Variants in GABRB3 observed in about 807,000 individuals in gnomAD.
GABRB3 encodes gamma-aminobutyric acid receptor subunit beta-3.
GABRB3 carries 14 observed loss-of-function variants against 52.1 expected under a neutral mutation model. That is an observed-to-expected ratio of 0.27 (90% CI 0.18 to 0.42). The LOEUF (loss-of-function observed/expected upper bound fraction) is 0.42. Among genes scored for constraint, GABRB3 ranks in the 10% least tolerant of loss-of-function variants. The probability of loss-of-function intolerance (pLI) is 1.00; values close to 1 mark genes in which losing one functional copy is unlikely to be tolerated. For missense variants in GABRB3, 307 were observed against 609.1 expected, an observed-to-expected ratio of 0.50 and a Z score of 5.22; for synonymous variants, 260 against 232.3, an observed-to-expected ratio of 1.12 and a Z score of -1.08.
At chr15:26,682,934 A>G (rs1888283998) in intron 3 of GABRB3, among the ~76,000 whole-genome samples, 2 of 152,202 alleles carry the variant, frequency 1.3e-5, no homozygotes, top group Non-Finnish European at 2.9e-5. Flanking sequence ...TCACAGTGCC[A>G]GGAGCTCCTG....
chr15:26,546,121 G>A lies in GABRB3; in HGVS notation c.*1672C>T, dbSNP rs1318103067. The A allele has an allele frequency of 2.0e-5, 3 of 152,578 alleles. No homozygotes were observed. The highest frequency in any genetic ancestry group is 7.2e-5 in the African/African-American group (3 of 41,428). 9.5% of individuals were successfully genotyped at this position (152,578 alleles called of 1,614,324 possible). ...GGTCCTTGGTTTTGGATAGAACAGA[G>A]AGGGTGAGGCATACGTGGCATTTTG... is the stretch of plus-strand genomic sequence containing the variant. On this transcript the variant is annotated 3_prime_UTR_variant, in exon 9 of 9. Coordinates refer to ENST00000311550, the MANE Select transcript of GABRB3 (RefSeq NM_000814.6).
chr15:26,733,179 G>T (rs867541568), intron 3 of GABRB3, among the ~76,000 whole-genome samples: 9 of 151,902 alleles, frequency 5.9e-5, no homozygotes, highest in African/African-American at 2.2e-4. Context: ...ATAAATAAAG[G>T]GCATTCAAAT....
At chr15:26,708,018 G>C (rs1438010516) in intron 3 of GABRB3, among the ~76,000 whole-genome samples, 2 of 152,078 alleles carry the variant, frequency 1.3e-5, no homozygotes, top group Non-Finnish European at 2.9e-5. Context: ...TTTCCTTTGA[G>C]CATCATGTCA....
upstream of GABRB3, chr15:26,773,719 G>A (rs1322528623): frequency 1.3e-6 from 2 of 1,566,520 alleles, no homozygotes; most frequent in Non-Finnish European, 1.7e-6. Flanking sequence ...GGAGCCCGGA[G>A]CACATGGCGC....
At chr15:26,624,971 T>C (rs1248138064) in intron 3 of GABRB3, 6 of 985,398 alleles carry the variant, frequency 6.1e-6, no homozygotes, top group Non-Finnish European at 7.2e-6. Context: ...CTGTGCTACC[T>C]AGAACCTCAT....
At chr15:26,702,547 T>C (rs867303115) in intron 3 of GABRB3, among the ~76,000 whole-genome samples, 7 of 152,188 alleles carry the variant, frequency 4.6e-5, no homozygotes, top group Admixed American at 1.3e-4. Flanking sequence ...TTTAAAGAGA[T>C]TGACCATACC....
intron 3 of GABRB3, chr15:26,624,161 G>A (rs1892592978): frequency 6.1e-6 from 6 of 977,486 alleles, no homozygotes; most frequent in East Asian, 1.1e-4. Context: ...ACATCAGGAT[G>A]AGAATGCACC....
chr15:26,602,859 G>A (rs570570384), intron 4 of GABRB3, among the ~76,000 whole-genome samples: 73 of 151,952 alleles, frequency 4.8e-4, no homozygotes, highest in African/African-American at 1.7e-3. Context: ...ATCTTTACTA[G>A]AAAAGCAAGA....
chr15:26,615,429 GA>G, intron 4 of GABRB3: 3 of 986,404 alleles, frequency 3.0e-6, no homozygotes, highest in Non-Finnish European at 3.6e-6. Flanking sequence ...AAGCTGGTAA[GA>G]AGAGCAAGCT....
intron 5 of GABRB3, chr15:26,580,674 G>A (rs927274388): frequency 6.0e-5 from 39 of 652,238 alleles, no homozygotes; most frequent in Non-Finnish European, 1.6e-5. Flanking sequence ...CTGAAAAGTC[G>A]AGAGGCTGGG....
At chr15:26,552,725 C>T (rs758342795) in intron 8 of GABRB3, among the ~76,000 whole-genome samples, 17 of 152,158 alleles carry the variant, frequency 1.1e-4, no homozygotes, top group Non-Finnish European at 1.9e-4. Flanking sequence ...GAAGCTTGTC[C>T]ACTGGTCTTT....
intron 3 of GABRB3, among the ~76,000 whole-genome samples, chr15:26,667,408 G>A (rs78837519): frequency 0.01 from 1,595 of 152,230 alleles, 27 homozygotes; most frequent in African/African-American, 0.037. Flanking sequence ...TGCGGCCACC[G>A]GATGGAGTGC....
At chr15:26,726,497 T>C (rs1308288407) in intron 3 of GABRB3, among the ~76,000 whole-genome samples, 1 of 152,244 alleles carries the variant, frequency 6.6e-6, no homozygotes, top group African/African-American at 2.4e-5. Flanking sequence ...AGCAGTCTTC[T>C]AGAAGTTTGG....
At chr15:26,627,155 G>A (rs1439660278) in intron 3 of GABRB3, among the ~76,000 whole-genome samples, 2 of 151,968 alleles carry the variant, frequency 1.3e-5, no homozygotes, top group Non-Finnish European at 2.9e-5. Context: ...AAACCTGGGT[G>A]TCAACACGTT....
At chr15:26,592,887 T>C (rs919796535) in intron 4 of GABRB3, among the ~76,000 whole-genome samples, 1 of 152,104 alleles carries the variant, frequency 6.6e-6, no homozygotes, top group Non-Finnish European at 1.5e-5. Flanking sequence ...TGGTGGCACA[T>C]GCCTTTAGTC....
chr15:26,568,747 C>A (rs1384859994), intron 6 of GABRB3, among the ~76,000 whole-genome samples: 4 of 149,846 alleles, frequency 2.7e-5, no homozygotes, highest in African/African-American at 9.8e-5. Flanking sequence ...GAACTCCCGA[C>A]TTTGTGATCC....
chr15:26,646,479 T>G (rs1887012437), intron 3 of GABRB3, among the ~76,000 whole-genome samples: 1 of 152,200 alleles, frequency 6.6e-6, no homozygotes, highest in Non-Finnish European at 1.5e-5. Context: ...GCATGTGGGT[T>G]ATTTCCACTT....
intron 3 of GABRB3, among the ~76,000 whole-genome samples, chr15:26,717,311 T>A (rs1160864743): frequency 1.8e-4 from 19 of 107,932 alleles, no homozygotes; most frequent in African/African-American, 4.9e-4. Flanking sequence ...ACCTCCATCC[T>A]ATGACAGCCC....
chr15:26,710,638 C>T (rs1459261135), intron 3 of GABRB3, among the ~76,000 whole-genome samples: 1 of 152,126 alleles, frequency 6.6e-6, no homozygotes, highest in Non-Finnish European at 1.5e-5. Flanking sequence ...AAATAGTTTT[C>T]CAGAGTGTCT....
Sources: gnomAD v4.1 joint callset for allele counts (sites outside exome capture counted in the v4.1 genomes callset) on GRCh38, gnomAD v4.1.1 for gene constraint, MANE v1.5 for transcripts, NCBI Gene and HGNC (gene_info 2026-07-23, HGNC 2026-07-21) for gene names.